The following PLOD2 variants were observed in gnomAD, a reference collection of about 807,000 sequenced individuals.
PLOD2 encodes the protein procollagen-lysine,2-oxoglutarate 5-dioxygenase 2, also known as lysine hydroxylase 2.
In PLOD2, 65 loss-of-function variants were observed where a neutral mutation model predicts 101.0. The observed-to-expected ratio is 0.64, with a 90% CI of 0.53 to 0.79. The LOEUF (loss-of-function observed/expected upper bound fraction) is 0.79. Ranked by LOEUF, PLOD2 falls within the 30% of genes least tolerant of loss-of-function variation. PLOD2 has a pLI of 0.00. For synonymous variants in PLOD2, 314 were observed against 302.9 expected, an observed-to-expected ratio of 1.04 and a Z score of -0.38; for missense variants, 909 against 914.6, an observed-to-expected ratio of 0.99 and a Z score of 0.08.
At chr3:146,133,507 G>A (rs866423087) in intron 1 of PLOD2, among the ~76,000 whole-genome samples, 14 of 151,918 alleles carry the variant, frequency 9.2e-5, no homozygotes, top group Non-Finnish European at 2.1e-4. Flanking sequence ...CTACTTCTGC[G>A]TCTCAACAAT....
At chr3:146,133,741 G>A (rs140600144) in intron 1 of PLOD2, among the ~76,000 whole-genome samples, 258 of 152,264 alleles carry the variant, frequency 1.7e-3, no homozygotes, top group Non-Finnish European at 3.0e-3. Flanking sequence ...CACACAGGGC[G>A]GGGAGGAGGT....
intron 1 of PLOD2, 139 bp downstream of exon 1, chr3:146,160,741 GA>G: frequency 1.6e-6 from 1 of 627,970 alleles, no homozygotes. Flanking sequence ...CAATTCTGGG[GA>G]AGACCCCGGC....
intron 1 of PLOD2, among the ~76,000 whole-genome samples, chr3:146,148,463 G>GA (rs544945449): frequency 5.5e-4 from 84 of 151,896 alleles, no homozygotes; most frequent in African/African-American, 1.9e-3. Context: ...AGAGGAATGA[G>GA]AAAAAAATGA....
At chr3:146,084,398 G>A (rs956000666) in intron 11 of PLOD2, among the ~76,000 whole-genome samples, 17 of 151,882 alleles carry the variant, frequency 1.1e-4, no homozygotes, top group African/African-American at 4.1e-4. Flanking sequence ...ATTATATATA[G>A]GGTGGGTTAA....
intron 1 of PLOD2, among the ~76,000 whole-genome samples, chr3:146,130,925 T>C (rs2030872585): frequency 6.6e-6 from 1 of 152,204 alleles, no homozygotes; most frequent in African/African-American, 2.4e-5. Flanking sequence ...GGTTTCCAGA[T>C]GGTCTTCCAA....
At chr3:146,092,736 G>T (rs138768351) in intron 7 of PLOD2, among the ~76,000 whole-genome samples, 238 of 152,072 alleles carry the variant, frequency 1.6e-3, no homozygotes, top group Admixed American at 2.6e-3. Flanking sequence ...GGTGACAGAG[G>T]TAGACACACT....
chr3:146,113,418 C>T (rs996834646), intron 3 of PLOD2, among the ~76,000 whole-genome samples: 1 of 152,146 alleles, frequency 6.6e-6, no homozygotes, highest in African/African-American at 2.4e-5. Flanking sequence ...TAAAAAAATG[C>T]ACACAGGTGT....
chr3:146,119,809 G>A (rs562279544), intron 3 of PLOD2, among the ~76,000 whole-genome samples: 1,974 of 152,152 alleles, frequency 0.013, 51 homozygotes, highest in African/African-American at 0.045. Context: ...TCCATGGTGT[G>A]TATGTGCCAC....
intron 1 of PLOD2, among the ~76,000 whole-genome samples, chr3:146,131,496 A>C (rs1027532283): frequency 6.6e-6 from 1 of 152,200 alleles, no homozygotes. Context: ...AATGACTCCA[A>C]ATGGATTCCA....
At chr3:146,110,530 A>G (rs1370252903) in intron 3 of PLOD2, 82 bp from the exon 4 acceptor site, 3 of 1,141,442 alleles carry the variant, frequency 2.6e-6, no homozygotes, top group Admixed American at 2.0e-5. Context: ...CTCTAACAAA[A>G]GTCAGAATCA....
At chr3:146,077,722 A>G (rs781246256) in intron 14 of PLOD2, 140 bp downstream of exon 14, 21 of 581,994 alleles carry the variant, frequency 3.6e-5, no homozygotes, top group Non-Finnish European at 5.7e-5. Flanking sequence ...CAAAACACGC[A>G]AACACACAGA....
At chr3:146,106,822 T>C (rs1220902279) in intron 4 of PLOD2, among the ~76,000 whole-genome samples, 178 bp from the exon 5 acceptor site, 3 of 152,212 alleles carry the variant, frequency 2.0e-5, no homozygotes, top group Non-Finnish European at 4.4e-5. Flanking sequence ...TTGTTTTATA[T>C]ATAAACTCCA....
At chr3:146,077,614 G>A in intron 14 of PLOD2, 1 of 393,630 alleles carries the variant, frequency 2.5e-6, no homozygotes, top group Non-Finnish European at 4.5e-6. Flanking sequence ...AGAATGAAAG[G>A]GACTTAGGTT....
Position 146,070,778 on chromosome 3 carries a change from T to C in PLOD2, c.2216A>G (p.His739Arg). The C allele has an allele frequency of 1.2e-6, 2 of 1,609,626 alleles. No individual in the cohort carries two copies. The highest frequency in any genetic ancestry group is 2.2e-5 in the East Asian group (1 of 44,796). ...TCCATTTTTAACAGGAAGTCCTTCA[T>C]GCAAATGTGTGAGTCTCCCAGGATG... ...FMHPGRLTHL[H>R]EGLPVKNGTR... Residue 739 changes from histidine to arginine, a missense_variant, in exon 20 of 20, where the codon CAT becomes CGT. By Grantham distance (29) the His-to-Arg change is conservative. Coordinates refer to ENST00000282903, the MANE Select transcript of PLOD2 (RefSeq NM_182943.3).
chr3:146,083,577 CTTTTTTTT>C (rs869301001), intron 11 of PLOD2, among the ~76,000 whole-genome samples: 4 of 75,770 alleles, frequency 5.3e-5, no homozygotes, highest in Non-Finnish European at 5.3e-5. Flanking sequence ...AAGTCTTTTT[CTTTTTTTT>C]TTTTTTTTTT....
chr3:146,127,302 ACTTTTCAACC>A (rs2030626253), intron 1 of PLOD2, among the ~76,000 whole-genome samples: 2 of 152,238 alleles, frequency 1.3e-5, no homozygotes, highest in East Asian at 1.9e-4. Flanking sequence ...CCAACAGGTA[ACTTTTCAACC>A]CTTTTCAACC....
At chr3:146,101,030 G>A (rs1476477475) in intron 7 of PLOD2, among the ~76,000 whole-genome samples, 1 of 152,114 alleles carries the variant, frequency 6.6e-6, no homozygotes, top group Non-Finnish European at 1.5e-5. Flanking sequence ...AGGGCTTTTG[G>A]AGTGGGAAGT....
At chr3:146,099,236 G>A (rs1937301521) in intron 7 of PLOD2, among the ~76,000 whole-genome samples, 1 of 152,056 alleles carries the variant, frequency 6.6e-6, no homozygotes, top group Non-Finnish European at 1.5e-5. Flanking sequence ...AAATGATTAA[G>A]GATTAGTGCT....
chr3:146,129,635 C>T (rs138584959), intron 1 of PLOD2, among the ~76,000 whole-genome samples: 1 of 152,252 alleles, frequency 6.6e-6, no homozygotes, highest in East Asian at 1.9e-4. Flanking sequence ...CAGCATCTCA[C>T]ACATATATTC....
Sources: allele counts gnomAD v4.1 joint callset (sites outside exome capture counted in the v4.1 genomes callset), GRCh38; gene constraint gnomAD v4.1.1; transcripts MANE v1.5; gene names NCBI Gene and HGNC (gene_info 2026-07-23, HGNC 2026-07-21).